Variants in RFTN2 observed in about 807,000 individuals in gnomAD.
RFTN2 encodes the protein raftlin-2.
RFTN2 carries 34 observed loss-of-function variants against 52.7 expected under a neutral mutation model. The observed-to-expected ratio is 0.64, with a 90% CI of 0.49 to 0.86. The LOEUF (loss-of-function observed/expected upper bound fraction) is 0.86. Among genes scored for constraint, RFTN2 ranks in the 40% least tolerant of loss-of-function variants. The pLI is 0.00. For missense variants in RFTN2, 536 were observed against 600.1 expected (o/e 0.89, Z 1.12); for synonymous variants, 203 against 217.7 (o/e 0.93, Z 0.59).
At chr2:197,672,522 GA>G (rs1432204558) in intron 1 of RFTN2, among the ~76,000 whole-genome samples, 1 of 152,186 alleles carries the variant, frequency 6.6e-6, no homozygotes, top group Admixed American at 6.5e-5. Flanking sequence ...GAGGAATGTG[GA>G]GACAGAGGGT....
In RFTN2 at chr2:197,585,816, C is replaced by T. The variant is rs560892338; in HGVS notation, c.1233+10175G>A. Among the ~76,000 whole-genome samples, 9 of 152,300 alleles carry T rather than the reference C, an allele frequency of 5.9e-5. No homozygotes were observed. In the South Asian group the frequency reaches 1.9e-3, roughly 32 times the overall value. On this transcript the variant is annotated intron_variant, in intron 8 of 8. Transcript: ENST00000295049. ...TCTAGACAGGTCCAGCAAGACCTCC[C>T]CAGACATGTGACATCAGCAAGCTGC...
intron 1 of RFTN2, among the ~76,000 whole-genome samples, chr2:197,656,172 C>T (rs1277339833): frequency 6.6e-6 from 1 of 152,070 alleles, no homozygotes; most frequent in Non-Finnish European, 1.5e-5. Context: ...TCCTCATCTG[C>T]AAAATGGGAA....
At chr2:197,650,099 GATATATA>G (rs1040043606) in intron 1 of RFTN2, among the ~76,000 whole-genome samples, 94 of 151,362 alleles carry the variant, frequency 6.2e-4, no homozygotes, top group African/African-American at 2.2e-3. Flanking sequence ...ACAATAAAAA[GATATATA>G]ATATATATTA....
chr2:197,616,034 C>A, intron 6 of RFTN2, 55 bp from the exon 7 acceptor site: 3 of 1,026,866 alleles, frequency 2.9e-6, no homozygotes, highest in Admixed American at 2.1e-5. Flanking sequence ...ACCAACTACA[C>A]AATTACAACA....
intron 8 of RFTN2, among the ~76,000 whole-genome samples, chr2:197,589,737 T>C (rs926526047): frequency 6.6e-6 from 1 of 152,226 alleles, no homozygotes; most frequent in African/African-American, 2.4e-5. Flanking sequence ...GAGTCCTTGA[T>C]ACCCCTTGGG....
intron 3 of RFTN2, among the ~76,000 whole-genome samples, chr2:197,642,428 C>T (rs1170823450): frequency 3.9e-5 from 6 of 152,262 alleles, no homozygotes; most frequent in Admixed American, 1.3e-4. Context: ...AATACATATA[C>T]AACATTTAAC....
intron 8 of RFTN2, among the ~76,000 whole-genome samples, chr2:197,574,353 G>C (rs1408743797): frequency 6.6e-6 from 1 of 152,172 alleles, no homozygotes; most frequent in Non-Finnish European, 1.5e-5. Flanking sequence ...TTTAAGATTT[G>C]ATTGCCCCAC....
At chr2:197,599,110 C>G (rs1195638562) in intron 7 of RFTN2, among the ~76,000 whole-genome samples, 1 of 152,040 alleles carries the variant, frequency 6.6e-6, no homozygotes, top group African/African-American at 2.4e-5. Context: ...CACCACCATG[C>G]CCGGCTCATT....
chr2:197,626,660 C>T (rs1025602517), intron 5 of RFTN2, among the ~76,000 whole-genome samples: 3 of 111,242 alleles, frequency 2.7e-5, no homozygotes, highest in Admixed American at 2.6e-4. Context: ...CTTGCACTGT[C>T]GCCTGGGCTA....
chr2:197,633,807 C>T lies in RFTN2; in HGVS notation c.629G>A (p.Gly210Glu). 6.2e-7 allele frequency: 1 copy of T among 1,613,830 alleles called. No individual in the cohort carries two copies. Among genetic ancestry groups the T allele is most frequent in the Non-Finnish European group, 8.5e-7 (1 of 1,179,816 alleles). ...TTCATGATGAAGTTCTTCCTCAATT[C>T]CGCTTTCAGATGACTGCCCACTTAA... ...GTLSGQSSES[G>E]IEEELHHESG... Residue 210 changes from glycine to glutamate, a missense_variant, in exon 4 of 9, where the codon GGA becomes GAA. Transcript: ENST00000295049.
intron 1 of RFTN2, among the ~76,000 whole-genome samples, chr2:197,663,222 G>A (rs2106268806): frequency 6.6e-6 from 1 of 152,178 alleles, no homozygotes; most frequent in African/African-American, 2.4e-5. Context: ...TCTTTTTGAT[G>A]TGCTATTGAG....
intron 4 of RFTN2, 49 bp from the exon 5 acceptor site, chr2:197,631,269 C>G (rs779565649): frequency 2.2e-6 from 3 of 1,360,656 alleles, no homozygotes; most frequent in Non-Finnish European, 3.1e-6. Context: ...TTTTGTTGAT[C>G]AAAGATTCTT....
chr2:197,645,841 A>G (rs1473923152), intron 2 of RFTN2, among the ~76,000 whole-genome samples: 1 of 152,178 alleles, frequency 6.6e-6, no homozygotes, highest in Non-Finnish European at 1.5e-5. Flanking sequence ...CCTGGTCAAC[A>G]TGGTGAAACC....
chr2:197,596,958 G>A (rs1196164580), intron 7 of RFTN2, among the ~76,000 whole-genome samples: 1 of 152,138 alleles, frequency 6.6e-6, no homozygotes, highest in Non-Finnish European at 1.5e-5. Flanking sequence ...AGTCTCCATG[G>A]ATTTATGGGG....
At chr2:197,626,447 C>T (rs1057491082) in intron 5 of RFTN2, among the ~76,000 whole-genome samples, 2 of 151,580 alleles carry the variant, frequency 1.3e-5, no homozygotes, top group African/African-American at 4.9e-5. Flanking sequence ...GCATATAGTC[C>T]TGGTTACTCG....
chr2:197,634,073 G>A (rs2088515611), intron 3 of RFTN2, 76 bp from the exon 4 acceptor site: 1 of 1,254,656 alleles, frequency 8.0e-7, no homozygotes, highest in Non-Finnish European at 1.1e-6. Context: ...TAACCTTTAG[G>A]CTTATTGAGG....
intron 1 of RFTN2, among the ~76,000 whole-genome samples, chr2:197,650,562 C>G (rs1209745854): frequency 6.6e-6 from 1 of 152,218 alleles, no homozygotes; most frequent in Non-Finnish European, 1.5e-5. Context: ...CTTTTTGTGA[C>G]TGGCTTATTT....
At chr2:197,639,998 C>T (rs1185648334) in intron 3 of RFTN2, among the ~76,000 whole-genome samples, 5 of 152,104 alleles carry the variant, frequency 3.3e-5, no homozygotes, top group Admixed American at 2.0e-4. Context: ...AATACCCTGC[C>T]GTGTGAGATG....
chr2:197,609,762 A>G (rs2106203453), intron 7 of RFTN2, among the ~76,000 whole-genome samples: 1 of 152,298 alleles, frequency 6.6e-6, no homozygotes, highest in East Asian at 1.9e-4. Context: ...TGTTACATGT[A>G]AGTCTTTAAT....
Sources: gnomAD v4.1 joint callset for allele counts (sites outside exome capture counted in the v4.1 genomes callset) on GRCh38, gnomAD v4.1.1 for gene constraint, MANE v1.5 for transcripts, NCBI Gene and HGNC (gene_info 2026-07-23, HGNC 2026-07-21) for gene names.